The following CDK17 variants were observed in gnomAD, a reference collection of about 807,000 sequenced individuals.
The protein encoded by CDK17 is cyclin dependent kinase 17, also known as cyclin-dependent kinase 17.
A neutral mutation model predicts 77.6 loss-of-function variants in CDK17; 24 were observed. That is an observed-to-expected ratio of 0.31 (90% CI 0.22 to 0.44). The LOEUF is 0.44. CDK17 is among the 20% of genes least tolerant of loss of function. The pLI, the probability that CDK17 is intolerant of heterozygous loss-of-function variation, is 1.00. For missense variants in CDK17, 429 were observed against 622.5 expected (o/e 0.69, Z 3.31); for synonymous variants, 203 against 210.4 (o/e 0.96, Z 0.30).
Position 96,360,850 on chromosome 12 carries a change from T to C in CDK17, c.-29-25985A>G, listed in dbSNP as rs145409427. Among the ~76,000 whole-genome samples the C allele has an allele frequency of 2.8e-3, 432 of 152,326 alleles. 2 individuals carry two copies. Among genetic ancestry groups the C allele is most frequent in the African/African-American group, 9.5e-3 (393 of 41,580 alleles). The stretch of plus-strand genomic sequence containing the variant: ...AGGCCTAGTATTCTGACCAGTGTAT[T>C]AGGCAGGGTTCAGTCAAGAGACAGA... On this transcript the variant is annotated intron_variant, in intron 1 of 16. Coordinates refer to ENST00000261211, the MANE Select transcript of CDK17 (RefSeq NM_002595.5).
chr12:96,400,207 G>C lies in CDK17; in HGVS notation c.-251C>G, dbSNP rs1324910260. 2.5e-6 allele frequency: 1 copy of C among 394,618 alleles called. No homozygotes were observed. Among genetic ancestry groups the C allele is most frequent in the African/African-American group, 2.1e-5 (1 of 48,396 alleles). The allele number at this position is 394,618 out of a possible 1,614,324, so 24.4% of individuals were successfully genotyped here. Reference sequence around the variant, plus strand: ...CCGCGGGTGTCTCACGCGTTGCCAAGTCCCTCGGTCAACATGGCTCCCGCG... The same window carrying C: ...CCGCGGGTGTCTCACGCGTTGCCAACTCCCTCGGTCAACATGGCTCCCGCG... On this transcript the variant is annotated 5_prime_UTR_variant, in exon 1 of 17. Transcript: ENST00000261211.
At chr12:96,310,946 GCTATT>G (rs560785760) in intron 5 of CDK17, 101 bp downstream of exon 5, 365 of 1,149,338 alleles carry the variant, frequency 3.2e-4, no homozygotes, top group Non-Finnish European at 4.3e-4. Context: ...ATAAAATTTA[GCTATT>G]CTAAAGTCAA....
At chr12:96,340,637 A>C (rs1332561571) in intron 1 of CDK17, among the ~76,000 whole-genome samples, 1 of 152,218 alleles carries the variant, frequency 6.6e-6, no homozygotes, top group Non-Finnish European at 1.5e-5. Flanking sequence ...GCTGAGAACA[A>C]AGGCACATAT....
intron 1 of CDK17, among the ~76,000 whole-genome samples, chr12:96,382,237 T>C (rs996191622): frequency 6.6e-6 from 1 of 151,186 alleles, no homozygotes; most frequent in African/African-American, 2.4e-5. Context: ...TGCACACAAA[T>C]TAGAAAATCT....
chr12:96,387,032 T>G, intron 1 of CDK17: 1 of 324,006 alleles, frequency 3.1e-6, no homozygotes, highest in Non-Finnish European at 6.2e-6. Flanking sequence ...AAATTTGTGT[T>G]TCCAACTGTA....
rs78680708 is a variant in CDK17, at chr12:96,388,230, A to T, written c.-30+11756T>A. On this transcript the variant is annotated intron_variant, in intron 1 of 16. Coordinates refer to ENST00000261211, the MANE Select transcript of CDK17 (RefSeq NM_002595.5). Reference sequence around the variant, plus strand: ...TAAAGCACAGGCCTAAACAAGTGGAACAGAACAGGGAAAATGGTTCAAAGA... The same window carrying T: ...TAAAGCACAGGCCTAAACAAGTGGATCAGAACAGGGAAAATGGTTCAAAGA... 1.1e-3 allele frequency among the ~76,000 whole-genome samples: 164 copies of T among 152,368 alleles called. No homozygotes were observed. The East Asian group carries it at 0.025, about 23-fold the overall frequency.
chr12:96,311,180 T>TAAAA lies in CDK17; in HGVS notation c.418-7_418-4dup. 1 of 1,288,024 alleles carries TAAAA rather than the reference T, an allele frequency of 7.8e-7. No individual in the cohort carries two copies. The highest frequency in any genetic ancestry group is 1.0e-6 in the Non-Finnish European group (1 of 965,126). The allele number at this position is 1,288,024 out of a possible 1,614,324, so 79.8% of individuals were successfully genotyped here. A position where few individuals can be genotyped will look rare whatever the true frequency, so the allele number is the denominator to read the frequency against. ...AGTGATAACCGCTTATTTAAATCCT[T>TAAAA]AAAAAAAAAAAAAGGTAATCCAAAA... On this transcript the variant is annotated splice_polypyrimidine_tract_variant and splice_region_variant and intron_variant, in intron 4 of 16. Transcript: ENST00000261211.
chr12:96,363,849 A>AAAAC (rs1389742174), intron 1 of CDK17, among the ~76,000 whole-genome samples: 1 of 152,234 alleles, frequency 6.6e-6, no homozygotes, highest in Admixed American at 6.5e-5. Flanking sequence ...ACTCTGTCTC[A>AAAAC]AAACAAACAA....
chr12:96,315,704 G>A (rs1209236248), intron 3 of CDK17, among the ~76,000 whole-genome samples: 1 of 152,080 alleles, frequency 6.6e-6, no homozygotes, highest in African/African-American at 2.4e-5. Context: ...GTAATACCTA[G>A]GAAGCAAAAA....
At chr12:96,281,379 T>G (rs1952176169) in intron 15 of CDK17, among the ~76,000 whole-genome samples, 1 of 152,252 alleles carries the variant, frequency 6.6e-6, no homozygotes, top group South Asian at 2.1e-4. Context: ...AAATACCTTT[T>G]TCTTTTTGAG....
chr12:96,329,593 A>T (rs1952938910), intron 2 of CDK17, among the ~76,000 whole-genome samples: 1 of 152,174 alleles, frequency 6.6e-6, no homozygotes, highest in Admixed American at 6.6e-5. Context: ...CCCATTCTAG[A>T]TCCTACATAT....
intron 1 of CDK17, among the ~76,000 whole-genome samples, chr12:96,360,493 G>A (rs750361910): frequency 2.6e-5 from 4 of 152,102 alleles, no homozygotes; most frequent in African/African-American, 4.8e-5. Context: ...TTAAGATTTG[G>A]TTTAAACATC....
chr12:96,348,456 G>A (rs1953259851), intron 1 of CDK17, among the ~76,000 whole-genome samples: 1 of 149,520 alleles, frequency 6.7e-6, no homozygotes, highest in South Asian at 2.2e-4. Context: ...CCTGGGAGGT[G>A]GAGGTTGCAG....
chr12:96,396,414 C>A (rs1475384012), intron 1 of CDK17, among the ~76,000 whole-genome samples: 8 of 152,168 alleles, frequency 5.3e-5, no homozygotes, highest in African/African-American at 1.9e-4. Flanking sequence ...AAATTGCCAA[C>A]ATTGTAGATT....
rs536909821 is a variant in CDK17, at chr12:96,380,367, C to T, written c.-30+19619G>A. Among the ~76,000 whole-genome samples, 9 of 151,260 alleles carry T rather than the reference C, an allele frequency of 6.0e-5. No individual in the cohort carries two copies. The East Asian group carries it at 1.6e-3, about 26-fold the overall frequency. ...TGCGATCTCAGCTCACTGCAACCTC[C>T]GCCTCCTGGGTTCATATAATTCTCT... On this transcript the variant is annotated intron_variant, in intron 1 of 16. Coordinates refer to ENST00000261211, the MANE Select transcript of CDK17 (RefSeq NM_002595.5).
intron 1 of CDK17, 38 bp downstream of exon 1, chr12:96,399,948 A>G (rs921921646): frequency 3.0e-6 from 1 of 338,980 alleles, no homozygotes. Context: ...ACCCGACACC[A>G]GGGGAAAGCG....
At chr12:96,398,195 C>G (rs1039152883) in intron 1 of CDK17, among the ~76,000 whole-genome samples, 14 of 151,836 alleles carry the variant, frequency 9.2e-5, no homozygotes, top group Non-Finnish European at 7.4e-5. Flanking sequence ...AGATGGTTTA[C>G]CAGATAAAGT....
intron 6 of CDK17, among the ~76,000 whole-genome samples, chr12:96,299,547 C>T (rs542425070): frequency 5.3e-5 from 8 of 152,188 alleles, no homozygotes; most frequent in South Asian, 2.1e-4. Flanking sequence ...CCCGCCACCA[C>T]GCCCAGCTAA....
chr12:96,379,235 G>A (rs1287733335), intron 1 of CDK17, among the ~76,000 whole-genome samples: 1 of 152,122 alleles, frequency 6.6e-6, no homozygotes, highest in African/African-American at 2.4e-5. Context: ...CATATTATCA[G>A]AACCTGTATG....
Sources: gnomAD v4.1 joint callset for allele counts (sites outside exome capture counted in the v4.1 genomes callset) on GRCh38, gnomAD v4.1.1 for gene constraint, MANE v1.5 for transcripts, NCBI Gene and HGNC (gene_info 2026-07-23, HGNC 2026-07-21) for gene names.